EFNA5: variants seen among roughly 807,000 people sequenced by gnomAD.
EFNA5 encodes ephrin A5.
EFNA5 carries 5 observed loss-of-function variants against 22.9 expected under a neutral mutation model. That is an observed-to-expected ratio of 0.22 (90% CI 0.11 to 0.46). The LOEUF is 0.46. EFNA5 is among the 20% of genes least tolerant of loss of function. EFNA5 has a pLI of 0.99. For missense variants in EFNA5, 237 were observed against 293.3 expected (o/e 0.81, Z 1.40); for synonymous variants, 113 against 112.2 (o/e 1.01, Z -0.04).
intron 1 of EFNA5, among the ~76,000 whole-genome samples, chr5:107,552,844 A>G (rs2112469840): frequency 6.6e-6 from 1 of 152,324 alleles, no homozygotes; most frequent in South Asian, 2.1e-4. Flanking sequence ...GTAATAGAAC[A>G]GGATTTCTGG....
At chr5:107,537,296 T>C (rs1468290927) in intron 1 of EFNA5, among the ~76,000 whole-genome samples, 1 of 151,664 alleles carries the variant, frequency 6.6e-6, no homozygotes, top group Non-Finnish European at 1.5e-5. Flanking sequence ...GAGTTTGAGA[T>C]CAGCCTGACC....
intron 2 of EFNA5, among the ~76,000 whole-genome samples, chr5:107,391,761 T>A (rs1246080055): frequency 6.6e-6 from 1 of 152,138 alleles, no homozygotes; most frequent in East Asian, 1.9e-4. Context: ...TATAAATCAA[T>A]CCATAGAGTC....
chr5:107,651,080 G>A lies in EFNA5; in HGVS notation c.125+19409C>T, dbSNP rs772293914. Among the ~76,000 whole-genome samples, 37 of 152,004 alleles carry A rather than the reference G, an allele frequency of 2.4e-4. No individual in the cohort carries two copies. In the South Asian group the frequency reaches 2.5e-3, roughly 10 times the overall value. On this transcript the variant is annotated intron_variant, in intron 1 of 4. Coordinates refer to ENST00000333274, the MANE Select transcript of EFNA5 (RefSeq NM_001962.3). ...CCATTCTCCTCCACTACACCTCCTC[G>A]GAAATTCTGCCCCAAGGTCACCCTT...
chr5:107,599,063 AT>A (rs1193760892), intron 1 of EFNA5, among the ~76,000 whole-genome samples: 1 of 152,196 alleles, frequency 6.6e-6, no homozygotes, highest in Non-Finnish European at 1.5e-5. Flanking sequence ...AAACATGCAT[AT>A]TTGGTTTTTC....
At chr5:107,397,687 T>G (rs112221472) in intron 2 of EFNA5, among the ~76,000 whole-genome samples, 1 of 152,200 alleles carries the variant, frequency 6.6e-6, no homozygotes. Flanking sequence ...TAGATAGAAA[T>G]ATCCATTCAT....
chr5:107,647,045 G>A (rs1750644128), intron 1 of EFNA5, among the ~76,000 whole-genome samples: 1 of 151,922 alleles, frequency 6.6e-6, no homozygotes, highest in Admixed American at 6.6e-5. Context: ...CCCCTATAAT[G>A]CAAAATTTTT....
At chr5:107,661,565 T>G (rs1046602787) in intron 1 of EFNA5, among the ~76,000 whole-genome samples, 8 of 152,220 alleles carry the variant, frequency 5.3e-5, no homozygotes, top group African/African-American at 1.9e-4. Flanking sequence ...TGTCTGTATT[T>G]TCTTGCCCTG....
chr5:107,474,947 A>T (rs941990347), intron 1 of EFNA5, among the ~76,000 whole-genome samples: 3 of 152,212 alleles, frequency 2.0e-5, no homozygotes, highest in African/African-American at 7.2e-5. Context: ...TGTCATTAGA[A>T]AAGTTTCTGT....
intron 1 of EFNA5, among the ~76,000 whole-genome samples, chr5:107,521,220 A>T (rs930712503): frequency 1.3e-5 from 2 of 152,118 alleles, no homozygotes; most frequent in Non-Finnish European, 2.9e-5. Flanking sequence ...ACATTAGCCT[A>T]TGGTTTGGCA....
chr5:107,437,934 A>G (rs2112432567), intron 1 of EFNA5, among the ~76,000 whole-genome samples: 1 of 152,356 alleles, frequency 6.6e-6, no homozygotes, highest in African/African-American at 2.4e-5. Context: ...CAAGTAGACA[A>G]CTTAAGCACC....
intron 1 of EFNA5, among the ~76,000 whole-genome samples, chr5:107,528,162 C>T (rs77414852): frequency 6.9e-4 from 105 of 152,260 alleles, no homozygotes; most frequent in Middle Eastern, 3.4e-3. Context: ...AATGGTAGTA[C>T]TTACCCCGCT....
chr5:107,660,261 CAT>C (rs56838945), intron 1 of EFNA5, among the ~76,000 whole-genome samples: 739 of 52,094 alleles, frequency 0.014, 2 homozygotes, highest in Non-Finnish European at 0.018. Flanking sequence ...ATGGCAAAAA[CAT>C]ATATATATAT....
chr5:107,442,754 A>C (rs1283399138), intron 1 of EFNA5, among the ~76,000 whole-genome samples: 1 of 152,134 alleles, frequency 6.6e-6, no homozygotes, highest in Admixed American at 6.5e-5. Flanking sequence ...GCAAAGAAAA[A>C]GAAGAAATGC....
intron 1 of EFNA5, among the ~76,000 whole-genome samples, chr5:107,536,761 G>T (rs879378511): frequency 2.6e-5 from 4 of 152,152 alleles, no homozygotes. Context: ...ACAGTTTGGA[G>T]ACACAGGGAA....
intron 1 of EFNA5, among the ~76,000 whole-genome samples, chr5:107,460,877 C>A (rs1233864561): frequency 3.3e-5 from 5 of 152,134 alleles, no homozygotes; most frequent in Non-Finnish European, 7.4e-5. Flanking sequence ...GTTATTAGCA[C>A]CCCTCCCCTT....
chr5:107,641,676 A>C (rs932714833), intron 1 of EFNA5, among the ~76,000 whole-genome samples: 3 of 152,188 alleles, frequency 2.0e-5, no homozygotes, highest in Admixed American at 2.0e-4. Flanking sequence ...TCTTTTTATG[A>C]CCTAATGATG....
rs1487695034 is a variant in EFNA5 at position 107,664,520 on chromosome 5, T to C, written c.125+5969A>G. On this transcript the variant is annotated intron_variant, in intron 1 of 4. Transcript: ENST00000333274. ...TAAAATATAAATTTGATAATATAAA[T>C]CAGGCCCTTAAAAGAGACAGTAATT... is the stretch of plus-strand genomic sequence containing the variant. Among the ~76,000 whole-genome samples the C allele has an allele frequency of 3.3e-5, 5 of 152,272 alleles. No homozygotes were observed. The East Asian group carries it at 9.6e-4, about 29-fold the overall frequency.
At chr5:107,547,265 G>C (rs1748184756) in intron 1 of EFNA5, among the ~76,000 whole-genome samples, 1 of 152,134 alleles carries the variant, frequency 6.6e-6, no homozygotes, top group African/African-American at 2.4e-5. Context: ...TTTTAAGCAA[G>C]GCATTTTCCC....
chr5:107,572,247 C>G (rs1284757882), intron 1 of EFNA5, among the ~76,000 whole-genome samples: 1 of 151,950 alleles, frequency 6.6e-6, no homozygotes, highest in Non-Finnish European at 1.5e-5. Context: ...AGACAGCCCT[C>G]GGAGCTCTCT....
Sources: allele counts gnomAD v4.1 joint callset (sites outside exome capture counted in the v4.1 genomes callset), GRCh38; gene constraint gnomAD v4.1.1; transcripts MANE v1.5; gene names NCBI Gene and HGNC (gene_info 2026-07-23, HGNC 2026-07-21).